DOCK5: variants seen among roughly 807,000 people sequenced by gnomAD.
The protein encoded by DOCK5 is dedicator of cytokinesis 5.
Under a neutral mutation model 251.8 loss-of-function variants are expected in DOCK5, and 142 were observed. The observed-to-expected ratio is 0.56, with a 90% confidence interval of 0.49 to 0.65. The LOEUF (loss-of-function observed/expected upper bound fraction) is 0.65. Among genes scored for constraint, DOCK5 ranks in the 30% least tolerant of loss-of-function variants. DOCK5 has a pLI of 0.00. For missense variants in DOCK5, 2,111 were observed against 2,312.3 expected (o/e 0.91, Z 1.79); for synonymous variants, 842 against 835.5 (o/e 1.01, Z -0.13).
intron 2 of DOCK5, among the ~76,000 whole-genome samples, chr8:25,245,980 T>G (rs190896120): frequency 4.6e-4 from 70 of 152,374 alleles, no homozygotes; most frequent in African/African-American, 1.5e-3. Flanking sequence ...TTTGTGTCTC[T>G]TTATGGTGAT....
Position 25,184,816 on chromosome 8 carries a change from T to C in DOCK5, c.-93T>C, listed in dbSNP as rs1801386213. On this transcript the variant is annotated 5_prime_UTR_variant, in exon 1 of 52. Coordinates refer to ENST00000276440, the MANE Select transcript of DOCK5 (RefSeq NM_024940.8). ...AGTTTGGCGGAACATGGCGGAAGCG[T>C]CTGGGGCACGCAGGAGCGCGGGGCG... The C allele has an allele frequency of 8.6e-7, 1 of 1,162,460 alleles. No individual in the cohort carries two copies. Among genetic ancestry groups the C allele is most frequent in the Non-Finnish European group, 1.1e-6 (1 of 913,168 alleles). 72.0% of individuals were successfully genotyped at this position (1,162,460 alleles called of 1,614,324 possible). A position where few individuals can be genotyped will look rare whatever the true frequency, so the allele number is the denominator to read the frequency against.
intron 2 of DOCK5, among the ~76,000 whole-genome samples, chr8:25,255,421 A>C (rs1301882643): frequency 6.6e-6 from 1 of 152,260 alleles, no homozygotes; most frequent in Non-Finnish European, 1.5e-5. Context: ...TATGCATGTT[A>C]CTAAGTAAAA....
intron 1 of DOCK5, among the ~76,000 whole-genome samples, chr8:25,194,450 C>T (rs1438661590): frequency 5.9e-5 from 9 of 152,182 alleles, no homozygotes; most frequent in Admixed American, 5.9e-4. Flanking sequence ...TATCCCCACC[C>T]TCCATCCTCC....
At chr8:25,267,313 C>A (rs1163110120) in intron 2 of DOCK5, among the ~76,000 whole-genome samples, 1 of 152,156 alleles carries the variant, frequency 6.6e-6, no homozygotes, top group South Asian at 2.1e-4. Context: ...TAGTACCCCA[C>A]GCCTCCCTGT....
At chr8:25,274,329 G>T (rs1803987707) in intron 3 of DOCK5, among the ~76,000 whole-genome samples, 1 of 152,164 alleles carries the variant, frequency 6.6e-6, no homozygotes, top group Non-Finnish European at 1.5e-5. Context: ...ATAGGGCTGG[G>T]AGCAGTTAGC....
At chr8:25,407,711 A>G (rs1801546553) in intron 48 of DOCK5, among the ~76,000 whole-genome samples, 1 of 152,054 alleles carries the variant, frequency 6.6e-6, no homozygotes. Context: ...CCTGGGCAAC[A>G]TGGTGAAACC....
At chr8:25,292,516 AGGCT>A (rs1264740676) in intron 6 of DOCK5, among the ~76,000 whole-genome samples, 1 of 152,172 alleles carries the variant, frequency 6.6e-6, no homozygotes, top group Non-Finnish European at 1.5e-5. Context: ...TGTGAGGATG[AGGCT>A]CGAGGATCAC....
intron 40 of DOCK5, among the ~76,000 whole-genome samples, chr8:25,385,355 G>A (rs945697604): frequency 2.6e-5 from 4 of 152,136 alleles, no homozygotes; most frequent in South Asian, 4.1e-4. Flanking sequence ...GGCTAGACTC[G>A]GGACGTGGGG....
intron 19 of DOCK5, 77 bp downstream of exon 19, chr8:25,332,425 C>A (rs2117217975): frequency 7.8e-7 from 1 of 1,280,288 alleles, no homozygotes; most frequent in Non-Finnish European, 1.1e-6. Flanking sequence ...AATTGGTTCA[C>A]CATTTAAAAT....
chr8:25,342,595 C>G (rs1362079788), intron 25 of DOCK5, 88 bp downstream of exon 25: 6 of 977,460 alleles, frequency 6.1e-6, no homozygotes, highest in African/African-American at 4.9e-5. Flanking sequence ...GAACAAGACT[C>G]CATCTCAAAA....
intron 40 of DOCK5, among the ~76,000 whole-genome samples, chr8:25,388,244 A>G (rs77951742): frequency 0.063 from 9,527 of 152,280 alleles, 371 homozygotes; most frequent in South Asian, 0.1. Flanking sequence ...TGTGCAATAC[A>G]TATTTTTATA....
At chr8:25,213,312 T>C (rs1198434924) in intron 1 of DOCK5, among the ~76,000 whole-genome samples, 2 of 150,878 alleles carry the variant, frequency 1.3e-5, no homozygotes, top group Non-Finnish European at 2.9e-5. Context: ...CACCCAGATA[T>C]TTTTGTTTCA....
chr8:25,272,154 G>A lies in DOCK5; in HGVS notation c.169-3232G>A, dbSNP rs1010485301. Among the ~76,000 whole-genome samples the A allele has an allele frequency of 2.6e-5, 4 of 151,850 alleles. 1 individual carries two copies. Among genetic ancestry groups the A allele is most frequent in the African/African-American group, 4.8e-5 (2 of 41,302 alleles). On this transcript the variant is annotated intron_variant, in intron 3 of 51. Coordinates refer to ENST00000276440, the MANE Select transcript of DOCK5 (RefSeq NM_024940.8). ...AGCAATCCTCCTGCCTCAGCCTCCC[G>A]TGTAGCTGGGACCATTGGCATGTGC...
At chr8:25,319,446 A>G (rs756560387) in intron 14 of DOCK5, 132 bp from the exon 15 acceptor site, 1 of 541,004 alleles carries the variant, frequency 1.8e-6, no homozygotes. Flanking sequence ...CCCAAACTTA[A>G]TCAGCCGATC....
At chr8:25,305,430 A>G (rs1804892479) in intron 11 of DOCK5, 1 of 152,208 alleles carries the variant, frequency 6.6e-6, no homozygotes. Context: ...ATCTTAAAAT[A>G]TTAACGGGAA....
At chr8:25,213,318 T>C (rs1007350270) in intron 1 of DOCK5, among the ~76,000 whole-genome samples, 11 of 150,752 alleles carry the variant, frequency 7.3e-5, no homozygotes, top group African/African-American at 2.4e-4. Flanking sequence ...GATATTTTTG[T>C]TTCACAGGAA....
At chr8:25,213,517 GT>G (rs1461268477) in intron 1 of DOCK5, among the ~76,000 whole-genome samples, 1 of 151,932 alleles carries the variant, frequency 6.6e-6, no homozygotes, top group Non-Finnish European at 1.5e-5. Context: ...GGTGTTTTTT[GT>G]TTGTTTGTTT....
intron 1 of DOCK5, among the ~76,000 whole-genome samples, chr8:25,186,443 C>G (rs1801434381): frequency 6.6e-6 from 1 of 150,952 alleles, no homozygotes; most frequent in African/African-American, 2.4e-5. Context: ...GGCGCAATCT[C>G]GGCTCACTGC....
chr8:25,372,124 C>G (rs1480951483), intron 34 of DOCK5, among the ~76,000 whole-genome samples: 1 of 152,220 alleles, frequency 6.6e-6, no homozygotes, highest in African/African-American at 2.4e-5. Flanking sequence ...AGAGGATGCC[C>G]TGAGTGCCAG....
Sources: gnomAD v4.1 joint callset for allele counts (sites outside exome capture counted in the v4.1 genomes callset) on GRCh38, gnomAD v4.1.1 for gene constraint, MANE v1.5 for transcripts, NCBI Gene and HGNC (gene_info 2026-07-23, HGNC 2026-07-21) for gene names.